CACNG3: variants seen among roughly 807,000 people sequenced by gnomAD.
CACNG3 encodes voltage-dependent calcium channel gamma-3 subunit.
In CACNG3, 3 loss-of-function variants were observed where a neutral mutation model predicts 28.5. The ratio of observed to expected loss-of-function variants is 0.11; its 90% confidence interval spans 0.05 to 0.27. CACNG3 has a LOEUF of 0.27. Ranked by LOEUF, CACNG3 falls within the 10% of genes least tolerant of loss-of-function variation. CACNG3 has a pLI of 1.00. For synonymous variants in CACNG3, 174 were observed against 162.2 expected (o/e 1.07, Z -0.55); for missense variants, 236 against 414.4 (o/e 0.57, Z 3.74).
At chr16:24,293,101 C>T (rs1381854704) in intron 1 of CACNG3, among the ~76,000 whole-genome samples, 3 of 152,226 alleles carry the variant, frequency 2.0e-5, no homozygotes, top group Non-Finnish European at 4.4e-5. Flanking sequence ...CCACTGAGGA[C>T]GTGGGCTCCC....
intron 1 of CACNG3, among the ~76,000 whole-genome samples, chr16:24,321,390 G>A (rs183602143): frequency 6.0e-4 from 91 of 151,508 alleles, no homozygotes; most frequent in South Asian, 8.4e-4. Flanking sequence ...GCAATGAGCC[G>A]AGATCTCACC....
At chr16:24,297,028 G>A (rs921344578) in intron 1 of CACNG3, among the ~76,000 whole-genome samples, 5 of 152,070 alleles carry the variant, frequency 3.3e-5, no homozygotes, top group African/African-American at 1.2e-4. Context: ...ACTTTGGGAG[G>A]CCAAGGCAGG....
chr16:24,292,319 C>T (rs932359043), intron 1 of CACNG3, among the ~76,000 whole-genome samples: 1 of 152,230 alleles, frequency 6.6e-6, no homozygotes, highest in Non-Finnish European at 1.5e-5. Flanking sequence ...ACTCAGGCCA[C>T]TGGCTTCCCC....
intron 1 of CACNG3, among the ~76,000 whole-genome samples, chr16:24,330,002 A>G (rs1596645389): frequency 6.6e-6 from 1 of 152,130 alleles, no homozygotes. Flanking sequence ...GAGCTACTGC[A>G]CTCCAGCCTG....
intron 1 of CACNG3, among the ~76,000 whole-genome samples, chr16:24,277,385 C>A (rs972761251): frequency 6.6e-6 from 1 of 152,150 alleles, no homozygotes; most frequent in Non-Finnish European, 1.5e-5. Flanking sequence ...ATATCAGGGA[C>A]GCCGCTAAAC....
intron 1 of CACNG3, among the ~76,000 whole-genome samples, chr16:24,343,663 A>G (rs1305044771): frequency 6.6e-6 from 1 of 152,222 alleles, no homozygotes; most frequent in Admixed American, 6.5e-5. Context: ...AAGAGAGTGT[A>G]ATTCATAATA....
chr16:24,303,483 C>G (rs960991078), intron 1 of CACNG3, among the ~76,000 whole-genome samples: 2 of 152,076 alleles, frequency 1.3e-5, no homozygotes, highest in Non-Finnish European at 2.9e-5. Flanking sequence ...AGCTACTGAA[C>G]CTGTCCTAAG....
chr16:24,256,717 C>T lies in CACNG3; in HGVS notation c.-38C>T. 7.0e-7 allele frequency: 1 copy of T among 1,431,676 alleles called. No individual in the cohort carries two copies. Among genetic ancestry groups the T allele is most frequent in the South Asian group, 1.1e-5 (1 of 87,428 alleles). The allele number at this position is 1,431,676 out of a possible 1,614,324, so 88.7% of individuals were successfully genotyped here. On this transcript the variant is annotated 5_prime_UTR_variant, in exon 1 of 4. Coordinates refer to ENST00000005284, the MANE Select transcript of CACNG3 (RefSeq NM_006539.4). This position sits in a 1 kb window ranked among gnomAD's most constrained non-coding sequence, Gnocchi z 4.6. ...TTTCCCCTCCGGCACTGACTCTCCC[C>T]CTCCAACCCCCAGCCGTCCAGAGTA...
At chr16:24,306,765 T>C (rs909673679) in intron 1 of CACNG3, among the ~76,000 whole-genome samples, 7 of 152,098 alleles carry the variant, frequency 4.6e-5, no homozygotes, top group African/African-American at 1.7e-4. Flanking sequence ...CAGCCCTTCA[T>C]TCAGCCCACC....
At chr16:24,283,472 T>C (rs1236096526) in intron 1 of CACNG3, among the ~76,000 whole-genome samples, 1 of 152,242 alleles carries the variant, frequency 6.6e-6, no homozygotes, top group Non-Finnish European at 1.5e-5. Context: ...CTCACATTAA[T>C]GGATGGTGTT....
At position 24,361,408 on chromosome 16, in the gene CACNG3, G is replaced by A. The variant is rs1168264667; in HGVS notation, c.493G>A (p.Gly165Arg). ...VYISANAGDP[G>R]QRDSKKSYSY... Reference sequence around the variant, plus strand: ...TATATCAGCCAACGCCGGAGACCCCGGGCAGCGTGACTCCAAAAAAAGTTA... The same window carrying A: ...TATATCAGCCAACGCCGGAGACCCCAGGCAGCGTGACTCCAAAAAAAGTTA... Residue 165 changes from glycine to arginine, a missense_variant, in exon 4 of 4, where the codon GGG becomes AGG. This residue lies in a region of CACNG3 where 120 missense variants were observed against 263.4 expected (regional missense o/e 0.46). Coordinates refer to ENST00000005284, the MANE Select transcript of CACNG3 (RefSeq NM_006539.4). This position sits in a 1 kb window ranked among gnomAD's most constrained non-coding sequence, Gnocchi z 6.8. 3.1e-6 allele frequency: 5 copies of A among 1,613,502 alleles called. No homozygotes were observed. The highest frequency in any genetic ancestry group is 1.7e-5 in the Admixed American group (1 of 59,968).
intron 1 of CACNG3, among the ~76,000 whole-genome samples, chr16:24,307,020 A>G (rs1899194911): frequency 6.6e-6 from 1 of 152,178 alleles, no homozygotes; most frequent in South Asian, 2.1e-4. Context: ...AGCCAAGGTC[A>G]CACCCGCTTC....
intron 1 of CACNG3, among the ~76,000 whole-genome samples, chr16:24,287,283 C>T (rs1464509592): frequency 2.6e-5 from 4 of 151,890 alleles, no homozygotes; most frequent in African/African-American, 7.3e-5. Context: ...TTTGGGAGGC[C>T]GAGGCGGGTG....
chr16:24,354,055 T>C (rs576612403), intron 2 of CACNG3, among the ~76,000 whole-genome samples: 2 of 152,026 alleles, frequency 1.3e-5, no homozygotes, highest in African/African-American at 2.4e-5. Context: ...CAGCCAGGCA[T>C]GGTGGCACAT....
intron 1 of CACNG3, among the ~76,000 whole-genome samples, chr16:24,269,746 C>CAAAAAAAAAAAAAAAAAAAAGAAAAAAAA (rs1898659804): frequency 1.4e-5 from 1 of 71,082 alleles, no homozygotes; most frequent in African/African-American, 4.8e-5. Context: ...GACTCCATCT[C>CAAAAAAAAAAAAAAAAAAAAGAAAAAAAA]AAAAAAAAAA....
intron 1 of CACNG3, among the ~76,000 whole-genome samples, chr16:24,271,940 A>T (rs187592233): frequency 6.6e-6 from 1 of 152,302 alleles, no homozygotes; most frequent in East Asian, 1.9e-4. Context: ...CAGCATACAC[A>T]GGGGAGAACT....
At chr16:24,266,262 C>A (rs1039081789) in intron 1 of CACNG3, among the ~76,000 whole-genome samples, 1 of 152,194 alleles carries the variant, frequency 6.6e-6, no homozygotes, top group Non-Finnish European at 1.5e-5. Flanking sequence ...GACACGGTTA[C>A]TCGGTGGGTG....
At chr16:24,360,125 A>C (rs1900086618) in intron 3 of CACNG3, among the ~76,000 whole-genome samples, 1 of 152,206 alleles carries the variant, frequency 6.6e-6, no homozygotes, top group Non-Finnish European at 1.5e-5. Flanking sequence ...GACAACCTCC[A>C]TTTAGCACCA....
chr16:24,325,668 A>T (rs1408808722), intron 1 of CACNG3, among the ~76,000 whole-genome samples: 3 of 152,264 alleles, frequency 2.0e-5, no homozygotes, highest in African/African-American at 7.2e-5. Flanking sequence ...CCCGACAGGT[A>T]GGAAAAGTAG....
Sources: gnomAD v4.1 joint callset for allele counts (sites outside exome capture counted in the v4.1 genomes callset) on GRCh38, gnomAD v4.1.1 for gene constraint, gnomAD v4.1.1 regional missense constraint, Gnocchi (gnomAD v3.1) non-coding constraint, MANE v1.5 for transcripts, NCBI Gene and HGNC (gene_info 2026-07-23, HGNC 2026-07-21) for gene names.